TNR: variants seen among roughly 807,000 people sequenced by gnomAD.
TNR encodes tenascin R.
Under a neutral mutation model 150.4 loss-of-function variants are expected in TNR, and 45 were observed. The observed-to-expected ratio is 0.30, with a 90% CI of 0.24 to 0.38. The LOEUF (loss-of-function observed/expected upper bound fraction) is 0.38, where lower values mean the gene tolerates loss of function less well. Ranked by LOEUF, TNR falls within the 10% of genes least tolerant of loss-of-function variation. The pLI is 1.00. For synonymous variants in TNR, 687 were observed against 678.4 expected, an observed-to-expected ratio of 1.01 and a Z score of -0.20; for missense variants, 1,544 against 1,759.1, an observed-to-expected ratio of 0.88 and a Z score of 2.19.
Position 175,383,915 on chromosome 1 carries a change from G to A in TNR, c.1777+2117C>T, listed in dbSNP as rs572995299. 1.7e-4 allele frequency among the ~76,000 whole-genome samples: 26 copies of A among 152,284 alleles called. No individual in the cohort carries two copies. In the East Asian group the frequency reaches 2.7e-3, roughly 16 times the overall value. On this transcript the variant is annotated intron_variant, in intron 8 of 22. Transcript: ENST00000367674. ...CTGAGGCTGTATTGAGAAGTCAGCCGCCTGACAGCTGCCAATCCACCAGGC... is the reference window on the plus strand; with the variant it reads ...CTGAGGCTGTATTGAGAAGTCAGCCACCTGACAGCTGCCAATCCACCAGGC...
In TNR at chr1:175,327,969, A is replaced by G. The variant is rs1649507525; in HGVS notation, c.3793+2105T>C. 2.0e-5 allele frequency among the ~76,000 whole-genome samples: 3 copies of G among 152,154 alleles called. No individual in the cohort carries two copies. The South Asian group carries it at 6.2e-4, about 32-fold the overall frequency. On this transcript the variant is annotated intron_variant, in intron 21 of 22. Transcript: ENST00000367674. ...CTAAAAATACAAAAATTAGCTGGGC[A>G]TGGTGGCATGTGTCTGTAATCCCAG...
chr1:175,600,835 GA>G (rs1663205426), intron 1 of TNR, among the ~76,000 whole-genome samples: 2 of 152,182 alleles, frequency 1.3e-5, no homozygotes, highest in South Asian at 4.1e-4. Flanking sequence ...GCAAAAAACA[GA>G]AAACAAAGCA....
rs754006516 is a variant in TNR, at chr1:175,403,477, C to T, written c.639G>A (p.Val213=). ...YCPLGCSSRG[V]CVDGQCICDS... ...CACAGATGCACTGGCCATCCACACA[C>T]ACCCCCCGGCTGGAGCAACCCAGCG... Residue 213 remains valine, a synonymous_variant, in exon 4 of 23, where the codon GTG becomes GTA. Coordinates refer to ENST00000367674, the MANE Select transcript of TNR (RefSeq NM_003285.3). 3.7e-6 allele frequency: 6 copies of T among 1,614,124 alleles called. No individual in the cohort carries two copies. Among genetic ancestry groups the T allele is most frequent in the Non-Finnish European group, 5.1e-6 (6 of 1,180,056 alleles).
Position 175,372,276 on chromosome 1 carries a change from A to G in TNR, c.1964-4979T>C, listed in dbSNP as rs569161464. Among the ~76,000 whole-genome samples, 9 of 152,378 alleles carry G rather than the reference A, an allele frequency of 5.9e-5. No homozygotes were observed. The South Asian group carries it at 1.9e-3, about 32-fold the overall frequency. On this transcript the variant is annotated intron_variant, in intron 9 of 22. Transcript: ENST00000367674. ...CTTTATAAATTACCCACCCTCAGGT[A>G]TTCCTTTATAGTAATGCAAATGGAC...
intron 21 of TNR, among the ~76,000 whole-genome samples, chr1:175,327,670 C>T (rs3766679): frequency 0.048 from 7,241 of 152,296 alleles, 239 homozygotes; most frequent in Middle Eastern, 0.18. Context: ...AGTCCCTTCA[C>T]AGCCTCCCCT....
At chr1:175,740,435 C>T (rs1667895716) in intron 1 of TNR, among the ~76,000 whole-genome samples, 1 of 145,112 alleles carries the variant, frequency 6.9e-6, no homozygotes, top group Non-Finnish European at 1.6e-5. Context: ...TCATTTTTTT[C>T]AACAAAAAAA....
chr1:175,586,327 T>G (rs1662569850), intron 1 of TNR, among the ~76,000 whole-genome samples: 2 of 152,190 alleles, frequency 1.3e-5, no homozygotes, highest in Non-Finnish European at 2.9e-5. Context: ...TTTTGTTACT[T>G]CTACCCCCTT....
chr1:175,364,655 T>C (rs1475454802), intron 12 of TNR, among the ~76,000 whole-genome samples: 1 of 152,214 alleles, frequency 6.6e-6, no homozygotes, highest in Non-Finnish European at 1.5e-5. Flanking sequence ...TAAGAGATGG[T>C]TCTTCAGAAT....
chr1:175,513,210 C>G (rs1659263943), intron 2 of TNR, among the ~76,000 whole-genome samples: 1 of 152,120 alleles, frequency 6.6e-6, no homozygotes. Context: ...GTCTTCCCCA[C>G]TACACTGTGC....
chr1:175,477,266 C>T (rs1438180916), intron 2 of TNR, among the ~76,000 whole-genome samples: 2 of 152,124 alleles, frequency 1.3e-5, no homozygotes, highest in African/African-American at 2.4e-5. Context: ...CTAGCTCCCG[C>T]GTAAGAGGAG....
At chr1:175,508,076 C>G (rs771185734) in intron 2 of TNR, among the ~76,000 whole-genome samples, 6 of 151,928 alleles carry the variant, frequency 3.9e-5, no homozygotes, top group Non-Finnish European at 7.4e-5. Flanking sequence ...CACATAGACA[C>G]AGGGAGGGAA....
intron 1 of TNR, among the ~76,000 whole-genome samples, chr1:175,535,256 G>A (rs886888683): frequency 3.3e-5 from 5 of 152,154 alleles, no homozygotes; most frequent in Non-Finnish European, 7.4e-5. Context: ...CCCTCCAAGT[G>A]AAGAAGTTAC....
intron 1 of TNR, among the ~76,000 whole-genome samples, chr1:175,661,790 TC>T (rs202162501): frequency 0.039 from 1,747 of 45,154 alleles, 32 homozygotes; most frequent in East Asian, 0.16. Flanking sequence ...CCTCTTTCCC[TC>T]CCCCCTCCCC....
intron 1 of TNR, among the ~76,000 whole-genome samples, chr1:175,618,160 T>C (rs1663841642): frequency 6.6e-6 from 1 of 152,250 alleles, no homozygotes; most frequent in African/African-American, 2.4e-5. Context: ...TCTCTTAAGC[T>C]GAGTAAATTG....
At chr1:175,643,494 G>C (rs556691248) in intron 1 of TNR, among the ~76,000 whole-genome samples, 2 of 152,070 alleles carry the variant, frequency 1.3e-5, no homozygotes. Flanking sequence ...AACCAGACAC[G>C]GTGCTTTGTT....
intron 1 of TNR, among the ~76,000 whole-genome samples, chr1:175,534,116 T>C (rs1422095355): frequency 6.6e-6 from 1 of 152,182 alleles, no homozygotes; most frequent in African/African-American, 2.4e-5. Context: ...CCCTAACTTA[T>C]GTTGGTGGCT....
chr1:175,729,177 A>C lies in TNR; in HGVS notation c.-165+14049T>G, dbSNP rs543458678. On this transcript the variant is annotated intron_variant, in intron 1 of 22. Coordinates refer to ENST00000367674, the MANE Select transcript of TNR (RefSeq NM_003285.3). ...TTTTTTCCTTCCTTCCATTTTTTTT[A>C]AACAATAATTTAAATTTTTATTAGG... 2.0e-5 allele frequency among the ~76,000 whole-genome samples: 3 copies of C among 151,900 alleles called. No homozygotes were observed. In the East Asian group the frequency reaches 5.8e-4, roughly 29 times the overall value.
intron 1 of TNR, among the ~76,000 whole-genome samples, chr1:175,604,413 C>T (rs937529926): frequency 8.5e-5 from 13 of 152,134 alleles, no homozygotes; most frequent in African/African-American, 2.7e-4. Context: ...CAAGGAACTC[C>T]GGGTTGGAAA....
intron 1 of TNR, among the ~76,000 whole-genome samples, chr1:175,637,707 A>G (rs1365678889): frequency 6.6e-6 from 1 of 152,192 alleles, no homozygotes; most frequent in Non-Finnish European, 1.5e-5. Flanking sequence ...TAAGTGTTGG[A>G]TGAACTTCAG....
Sources: gnomAD v4.1 joint callset for allele counts (sites outside exome capture counted in the v4.1 genomes callset) on GRCh38, gnomAD v4.1.1 for gene constraint, MANE v1.5 for transcripts, NCBI Gene and HGNC (gene_info 2026-07-23, HGNC 2026-07-21) for gene names.